The following METTL25 variants were observed in gnomAD, a reference collection of about 807,000 sequenced individuals.
METTL25 encodes the protein probable methyltransferase-like protein 25.
In METTL25, 64 loss-of-function variants were observed where a neutral mutation model predicts 71.6. The ratio of observed to expected loss-of-function variants is 0.89; its 90% CI spans 0.73 to 1.10. The LOEUF (loss-of-function observed/expected upper bound fraction) is 1.10. Among genes scored for constraint, METTL25 ranks in the 50% least tolerant of loss-of-function variants. METTL25 has a pLI of 0.00. For missense variants in METTL25, 807 were observed against 707.0 expected, an observed-to-expected ratio of 1.14 and a Z score of -1.60; for synonymous variants, 287 against 250.3, an observed-to-expected ratio of 1.15 and a Z score of -1.38.
chr12:82,358,908 C>T, intron 1 of METTL25, 84 bp downstream of exon 1: 1 of 1,499,870 alleles, frequency 6.7e-7, no homozygotes, highest in Non-Finnish European at 9.0e-7. Flanking sequence ...TGGAAGCCAG[C>T]AGAACCAGGT....
intron 5 of METTL25, 38 bp downstream of exon 5, chr12:82,403,168 G>A: frequency 6.4e-7 from 1 of 1,565,530 alleles, no homozygotes. Flanking sequence ...TTATTCATTT[G>A]AGCATAATGA....
At chr12:82,452,195 T>C (rs971031644) in intron 8 of METTL25, among the ~76,000 whole-genome samples, 2 of 152,256 alleles carry the variant, frequency 1.3e-5, no homozygotes, top group East Asian at 1.9e-4. Context: ...TTTTCTTTTA[T>C]AGCGCGTTCT....
At chr12:82,431,795 A>G (rs1287605774) in intron 6 of METTL25, among the ~76,000 whole-genome samples, 1 of 151,696 alleles carries the variant, frequency 6.6e-6, no homozygotes. Flanking sequence ...CTTACCAAAT[A>G]TCATAGCTTA....
At chr12:82,454,250 C>G (rs759748875) in intron 8 of METTL25, among the ~76,000 whole-genome samples, 3 of 151,860 alleles carry the variant, frequency 2.0e-5, no homozygotes, top group African/African-American at 2.4e-5. Context: ...TCTGGAGGGC[C>G]AGAAAAGGCT....
At chr12:82,458,872 C>G (rs934719005) in intron 9 of METTL25, among the ~76,000 whole-genome samples, 4 of 152,090 alleles carry the variant, frequency 2.6e-5, no homozygotes, top group Non-Finnish European at 5.9e-5. Context: ...CCAGCCTACT[C>G]TAGCCATCCT....
intron 5 of METTL25, among the ~76,000 whole-genome samples, chr12:82,418,631 A>T (rs1336233649): frequency 6.6e-6 from 1 of 152,096 alleles, no homozygotes; most frequent in Admixed American, 6.6e-5. Context: ...ACATCATGGG[A>T]TCTATACTAA....
At chr12:82,464,668 T>C (rs1458168611) in intron 9 of METTL25, among the ~76,000 whole-genome samples, 2 of 151,940 alleles carry the variant, frequency 1.3e-5, no homozygotes, top group Non-Finnish European at 2.9e-5. Flanking sequence ...GGTATTTTGA[T>C]AGGGATTGCA....
intron 8 of METTL25, among the ~76,000 whole-genome samples, chr12:82,447,125 TAAATA>T (rs1429734273): frequency 5.9e-5 from 9 of 151,558 alleles, no homozygotes. Flanking sequence ...AGAGCATAAA[TAAATA>T]AAATTGAGAC....
At chr12:82,414,376 T>G (rs1041392046) in intron 5 of METTL25, among the ~76,000 whole-genome samples, 4 of 152,348 alleles carry the variant, frequency 2.6e-5, no homozygotes, top group African/African-American at 9.6e-5. Context: ...TGGCGCTGAT[T>G]TTATTTTTGC....
intron 5 of METTL25, among the ~76,000 whole-genome samples, chr12:82,409,820 T>TA (rs992434916): frequency 2.0e-5 from 3 of 151,944 alleles, no homozygotes; most frequent in African/African-American, 4.8e-5. Flanking sequence ...TCCATTTACT[T>TA]AAAAAAAATA....
At chr12:82,424,680 T>C (rs561659096) in intron 5 of METTL25, among the ~76,000 whole-genome samples, 1 of 152,188 alleles carries the variant, frequency 6.6e-6, no homozygotes, top group African/African-American at 2.4e-5. Flanking sequence ...CATGAAGAAC[T>C]TCAGAATATG....
intron 6 of METTL25, 105 bp downstream of exon 6, chr12:82,431,092 C>A: frequency 1.7e-6 from 1 of 585,792 alleles, no homozygotes; most frequent in South Asian, 3.2e-5. Flanking sequence ...GCAGAACATC[C>A]CATTAATGCT....
At chr12:82,460,093 GTT>G (rs1232254098) in intron 9 of METTL25, among the ~76,000 whole-genome samples, 3 of 152,148 alleles carry the variant, frequency 2.0e-5, no homozygotes, top group Non-Finnish European at 4.4e-5. Flanking sequence ...AACTACCTCA[GTT>G]GTTAACCCAT....
At chr12:82,372,937 G>A (rs1445890810) in intron 1 of METTL25, among the ~76,000 whole-genome samples, 4 of 152,130 alleles carry the variant, frequency 2.6e-5, no homozygotes, top group East Asian at 1.9e-4. Flanking sequence ...TGCACTCACC[G>A]ACGCAGCAGC....
intron 5 of METTL25, among the ~76,000 whole-genome samples, chr12:82,413,509 T>G (rs973998544): frequency 6.6e-6 from 1 of 151,900 alleles, no homozygotes; most frequent in African/African-American, 2.4e-5. Flanking sequence ...TCCAAGGGAG[T>G]GCAGAAACAC....
rs529605399 is a variant in METTL25, at chr12:82,379,183, AT to A, written c.260-7616del. On this transcript the variant is annotated intron_variant, in intron 1 of 11. Coordinates refer to ENST00000248306, the MANE Select transcript of METTL25 (RefSeq NM_032230.3). ...CAGTGGCAGTGACTAAGGTAGTGAC[AT>A]TTTGAGGTGCTGTGGGGCAGTGGAG... 2.9e-3 allele frequency among the ~76,000 whole-genome samples: 449 copies of A among 152,318 alleles called. 4 individuals carry two copies. The highest frequency in any genetic ancestry group is 0.01 in the African/African-American group (423 of 41,588).
chr12:82,444,587 A>G (rs1351626262), intron 8 of METTL25, among the ~76,000 whole-genome samples: 1 of 152,146 alleles, frequency 6.6e-6, no homozygotes, highest in African/African-American at 2.4e-5. Flanking sequence ...CAAAAATAAT[A>G]ATCATAACAT....
At chr12:82,361,584 G>A (rs572322403) in intron 1 of METTL25, among the ~76,000 whole-genome samples, 5 of 152,180 alleles carry the variant, frequency 3.3e-5, no homozygotes, top group African/African-American at 7.2e-5. Context: ...GCTGAGGCCC[G>A]GTGAGAATTC....
chr12:82,362,228 C>T (rs981974549), intron 1 of METTL25, among the ~76,000 whole-genome samples: 1 of 152,102 alleles, frequency 6.6e-6, no homozygotes, highest in East Asian at 1.9e-4. Context: ...ATATTTAATT[C>T]TCTAAAATAA....
Sources: gnomAD v4.1 joint callset for allele counts (sites outside exome capture counted in the v4.1 genomes callset) on GRCh38, gnomAD v4.1.1 for gene constraint, MANE v1.5 for transcripts, NCBI Gene and HGNC (gene_info 2026-07-23, HGNC 2026-07-21) for gene names.